Variants in NCKAP5 observed in about 807,000 individuals in gnomAD.
NCKAP5 encodes NCK associated protein 5, also known as nck-associated protein 5.
Under a neutral mutation model 167.0 loss-of-function variants are expected in NCKAP5, and 92 were observed. The ratio of observed to expected loss-of-function variants is 0.55; its 90% CI spans 0.47 to 0.66. The LOEUF (loss-of-function observed/expected upper bound fraction) is 0.66, where lower values mean the gene tolerates loss of function less well. Among genes scored for constraint, NCKAP5 ranks in the 30% least tolerant of loss-of-function variants. NCKAP5 has a pLI of 0.00. For synonymous variants in NCKAP5, 891 were observed against 877.4 expected, an observed-to-expected ratio of 1.02 and a Z score of -0.27; for missense variants, 2,378 against 2,315.0, an observed-to-expected ratio of 1.03 and a Z score of -0.56.
chr2:133,115,775 G>GTGTATATA (rs1296649163), intron 6 of NCKAP5, among the ~76,000 whole-genome samples: 19 of 94,298 alleles, frequency 2.0e-4, no homozygotes, highest in South Asian at 8.1e-4. Context: ...ATGTGTGTGT[G>GTGTATATA]TATATATATA....
chr2:132,979,927 T>G (rs569888639), intron 7 of NCKAP5, among the ~76,000 whole-genome samples: 3 of 151,922 alleles, frequency 2.0e-5, no homozygotes, highest in East Asian at 1.9e-4. Context: ...AGCTTTCACA[T>G]AGTGAGCAAG....
Position 132,868,932 on chromosome 2 carries a change from C to A in NCKAP5, c.687+4G>T. ...GAAAAGAACAAAGTCAGAAAGTGACCTACCTTTTGAGTAAGCAGAGCTTGA... is the reference window on the plus strand; with the variant it reads ...GAAAAGAACAAAGTCAGAAAGTGACATACCTTTTGAGTAAGCAGAGCTTGA... On this transcript the variant is annotated splice_donor_region_variant and intron_variant, in intron 10 of 19. Coordinates refer to ENST00000409261, the MANE Select transcript of NCKAP5 (RefSeq NM_207363.3). 6.5e-7 allele frequency: 1 copy of A among 1,543,696 alleles called. No individual in the cohort carries two copies. The highest frequency in any genetic ancestry group is 8.7e-7 in the Non-Finnish European group (1 of 1,145,124).
At position 132,785,259 on chromosome 2, in the gene NCKAP5, T is replaced by G; in HGVS notation, c.1552A>C (p.Arg518=). ...SDSLFGWETN[R]KHFLEGTSSV... Reference sequence around the variant, plus strand: ...GATGTGCCTTCCAGAAAGTGTTTTCTGTTTGTCTCCCAGCCAAACAGACTG... The same window carrying G: ...GATGTGCCTTCCAGAAAGTGTTTTCGGTTTGTCTCCCAGCCAAACAGACTG... Residue 518 remains arginine (R), a synonymous_variant, in exon 14 of 20, where the codon AGA becomes CGA. Transcript: ENST00000409261. 2 of 1,575,250 alleles carry G rather than the reference T, an allele frequency of 1.3e-6. No homozygotes were observed. Among genetic ancestry groups the G allele is most frequent in the East Asian group, 4.5e-5 (2 of 44,524 alleles).
intron 3 of NCKAP5, among the ~76,000 whole-genome samples, chr2:133,503,747 C>G (rs1417121706): frequency 2.6e-5 from 4 of 152,242 alleles, no homozygotes; most frequent in Non-Finnish European, 5.9e-5. Context: ...CTACTTAATT[C>G]CTCATTTAAA....
chr2:133,492,719 T>C (rs1575055166), intron 3 of NCKAP5, among the ~76,000 whole-genome samples: 1 of 152,368 alleles, frequency 6.6e-6, no homozygotes, highest in East Asian at 1.9e-4. Flanking sequence ...AAGCATTTTC[T>C]GTTCTAAAAT....
At chr2:132,715,059 A>G (rs1237559855) in intron 19 of NCKAP5, among the ~76,000 whole-genome samples, 1 of 152,132 alleles carries the variant, frequency 6.6e-6, no homozygotes, top group Non-Finnish European at 1.5e-5. Flanking sequence ...GTTTCTGATT[A>G]GTTAAGGAGG....
At chr2:132,844,125 C>T (rs1264049633) in intron 11 of NCKAP5, among the ~76,000 whole-genome samples, 1 of 152,082 alleles carries the variant, frequency 6.6e-6, no homozygotes, top group African/African-American at 2.4e-5. Flanking sequence ...ATGAAATTAT[C>T]TGCAAAACAA....
chr2:133,496,006 TA>T (rs2151372296), intron 3 of NCKAP5, among the ~76,000 whole-genome samples: 1 of 152,326 alleles, frequency 6.6e-6, no homozygotes, highest in East Asian at 1.9e-4. Flanking sequence ...TAAATTTTTT[TA>T]AACCACTGTT....
intron 8 of NCKAP5, among the ~76,000 whole-genome samples, chr2:132,886,666 T>C (rs978657129): frequency 2.0e-5 from 3 of 152,246 alleles, no homozygotes; most frequent in Admixed American, 6.5e-5. Flanking sequence ...GTCCTTCAAT[T>C]TGAATTCGCC....
intron 6 of NCKAP5, among the ~76,000 whole-genome samples, chr2:133,008,189 T>G (rs2078031925): frequency 6.6e-6 from 1 of 152,128 alleles, no homozygotes. Context: ...GGGTGTTACT[T>G]TTTTCCTCCG....
chr2:133,084,663 T>C (rs771002967), intron 6 of NCKAP5, among the ~76,000 whole-genome samples: 17 of 152,180 alleles, frequency 1.1e-4, no homozygotes, highest in Admixed American at 2.6e-4. Flanking sequence ...CAGTCTCACC[T>C]CTGCCTTTCA....
At chr2:132,761,418 G>C (rs775678484) in intron 16 of NCKAP5, among the ~76,000 whole-genome samples, 15 of 152,346 alleles carry the variant, frequency 9.8e-5, no homozygotes, top group Admixed American at 2.0e-4. Context: ...GGCCACTAGA[G>C]ACTAGCGCAT....
At chr2:133,418,948 A>G (rs965710202) in intron 3 of NCKAP5, among the ~76,000 whole-genome samples, 2 of 152,202 alleles carry the variant, frequency 1.3e-5, no homozygotes, top group Non-Finnish European at 2.9e-5. Flanking sequence ...TTCTACAGAG[A>G]AAATTCTTTT....
intron 11 of NCKAP5, among the ~76,000 whole-genome samples, chr2:132,845,525 C>T (rs1688596275): frequency 1.3e-5 from 2 of 152,230 alleles, no homozygotes; most frequent in Admixed American, 6.5e-5. Flanking sequence ...AAATGCACCA[C>T]AACCATTTAT....
intron 19 of NCKAP5, among the ~76,000 whole-genome samples, chr2:132,680,183 A>G (rs952687398): frequency 1.3e-5 from 2 of 150,610 alleles, no homozygotes; most frequent in African/African-American, 5.0e-5. Context: ...CTATTACCTC[A>G]ACTGGACACA....
chr2:132,698,348 C>A (rs1687541458), intron 19 of NCKAP5, among the ~76,000 whole-genome samples: 1 of 152,176 alleles, frequency 6.6e-6, no homozygotes, highest in African/African-American at 2.4e-5. Context: ...CAAAATTATT[C>A]TTTAGAGCAC....
the NCKAP5 span, among the ~76,000 whole-genome samples, chr2:133,662,648 C>T: frequency 7.3e-6 from 1 of 136,628 alleles, no homozygotes; most frequent in South Asian, 3.1e-4. Flanking sequence ...GTGAAAGTGG[C>T]AAAACCGCAA....
chr2:132,699,633 T>A (rs1687690905), intron 19 of NCKAP5, among the ~76,000 whole-genome samples: 1 of 152,202 alleles, frequency 6.6e-6, no homozygotes, highest in South Asian at 2.1e-4. Flanking sequence ...TCCAGCTTCA[T>A]CCATGTCCCT....
intron 11 of NCKAP5, among the ~76,000 whole-genome samples, chr2:132,809,368 T>A (rs968215631): frequency 6.6e-6 from 1 of 152,174 alleles, no homozygotes; most frequent in Non-Finnish European, 1.5e-5. Context: ...CAGTGGAGTA[T>A]TGAAGTCCCT....
Sources: allele counts gnomAD v4.1 joint callset (sites outside exome capture counted in the v4.1 genomes callset), GRCh38; gene constraint gnomAD v4.1.1; transcripts MANE v1.5; gene names NCBI Gene and HGNC (gene_info 2026-07-23, HGNC 2026-07-21).